Variants in CIDEC observed in about 807,000 individuals in gnomAD.
CIDEC encodes cell death inducing DFFA like effector c.
In CIDEC, 11 loss-of-function variants were observed where a neutral mutation model predicts 21.9. The observed-to-expected ratio is 0.50, with a 90% CI of 0.32 to 0.83. The LOEUF (loss-of-function observed/expected upper bound fraction) is 0.83. CIDEC is among the 40% of genes least tolerant of loss of function. The pLI is 0.04. For synonymous variants in CIDEC, 127 were observed against 124.9 expected, an observed-to-expected ratio of 1.02 and a Z score of -0.11; for missense variants, 302 against 302.3, an observed-to-expected ratio of 1.00 and a Z score of 0.01.
At chr3:9,868,929 C>T (rs552359426) in intron 6 of CIDEC, among the ~76,000 whole-genome samples, 3 of 151,954 alleles carry the variant, frequency 2.0e-5, no homozygotes, top group Admixed American at 6.5e-5. Context: ...AGCAATCCTC[C>T]CACCTAGCTG....
At chr3:9,871,912 G>A (rs1045797036) in intron 4 of CIDEC, among the ~76,000 whole-genome samples, 2 of 152,150 alleles carry the variant, frequency 1.3e-5, no homozygotes, top group South Asian at 2.1e-4. Flanking sequence ...TTATAGGCAT[G>A]AGCCACTGCA....
chr3:9,875,094 G>A (rs2082402605), intron 4 of CIDEC, among the ~76,000 whole-genome samples: 1 of 152,100 alleles, frequency 6.6e-6, no homozygotes, highest in Admixed American at 6.5e-5. Context: ...AAATGGATAG[G>A]GCCAGGTGTG....
intron 4 of CIDEC, among the ~76,000 whole-genome samples, chr3:9,875,521 TAA>T (rs1325000370): frequency 6.6e-6 from 1 of 152,060 alleles, no homozygotes; most frequent in African/African-American, 2.4e-5. Flanking sequence ...TGAAGGAAAC[TAA>T]AGAGACATAC....
rs138781787 is a variant in CIDEC at position 9,869,271 on chromosome 3, G to A, written c.554+611C>T. Among the ~76,000 whole-genome samples the A allele has an allele frequency of 1.1e-4, 16 of 149,402 alleles. No individual in the cohort carries two copies. The South Asian group carries it at 2.3e-3, about 22-fold the overall frequency. Reference sequence around the variant, plus strand: ...CGTGCTTTTTTTTGTTTTTTTTTCCGAGACAGTCTTGCTCTTTTGCCCAGG... The same window carrying A: ...CGTGCTTTTTTTTGTTTTTTTTTCCAAGACAGTCTTGCTCTTTTGCCCAGG... On this transcript the variant is annotated intron_variant, in intron 6 of 6. Transcript: ENST00000336832.
At chr3:9,867,703 G>A (rs1342362895) in intron 6 of CIDEC, among the ~76,000 whole-genome samples, 4 of 152,006 alleles carry the variant, frequency 2.6e-5, no homozygotes, top group Non-Finnish European at 4.4e-5. Flanking sequence ...CGAGGTGGGT[G>A]GATCATTTGA....
At chr3:9,878,320 G>T in intron 3 of CIDEC, 114 bp downstream of exon 3, 1 of 841,194 alleles carries the variant, frequency 1.2e-6, no homozygotes, top group Non-Finnish European at 2.1e-6. Flanking sequence ...TCCTGAATCA[G>T]AATCTGCACT....
rs1204761724 is a variant in CIDEC at position 9,877,106 on chromosome 3, T to C, written c.167A>G (p.Lys56Arg). 2 of 1,553,282 alleles carry C rather than the reference T, an allele frequency of 1.3e-6. No homozygotes were observed. Among genetic ancestry groups the C allele is most frequent in the African/African-American group, 1.4e-5 (1 of 73,318 alleles). The change falls in exon 4 of 7, where the codon AAG becomes AGG. Residue 56 changes from lysine to arginine, a missense_variant. Transcript: ENST00000336832. ...RVSTADRSVR[K>R]GIMAYSLEDL... ...CTCAAGACTGTAAGCCATGATGCCC[T>C]TCCTCACGCTTCGATCCGCCGTGCT... is the stretch of plus-strand genomic sequence containing the variant.
chr3:9,870,172 A>G lies in CIDEC; in HGVS notation c.358T>C (p.Ser120Pro). 1 of 1,613,998 alleles carries G rather than the reference A, an allele frequency of 6.2e-7. No individual in the cohort carries two copies. Among genetic ancestry groups the G allele is most frequent in the Non-Finnish European group, 8.5e-7 (1 of 1,180,006 alleles). ...AACAGGTGGGACCTCACCTGTTCTG[A>G]TGGGGGCTGCCATTTCTGCCCCTTC... ...LQKGQKWQPP[S>P]EQGTRHPLSL... The change falls in exon 5 of 7, where the codon TCA (serine) becomes CCA (proline). Residue 120 changes from serine (S) to proline (P), a missense_variant. Physicochemically the swap from Ser to Pro is moderately conservative, Grantham distance 74. Coordinates refer to ENST00000336832, the MANE Select transcript of CIDEC (RefSeq NM_001321142.2).
rs529181702 is a variant in CIDEC at position 9,875,203 on chromosome 3, G to A, written c.207+1863C>T. Among the ~76,000 whole-genome samples, 20 of 151,926 alleles carry A rather than the reference G, an allele frequency of 1.3e-4. 1 individual carries two copies. The South Asian group carries it at 3.7e-3, about 28-fold the overall frequency. On this transcript the variant is annotated intron_variant, in intron 4 of 6. Transcript: ENST00000336832. ...ATCCTGGCTAACACGGTGAAACCCC[G>A]TCTCTACCAAAAATACAAAAAAAAT...
In CIDEC at chr3:9,867,219, T is replaced by G; in HGVS notation, c.632A>C (p.Gln211Pro). 1 of 1,614,122 alleles carries G rather than the reference T, an allele frequency of 6.2e-7. No homozygotes were observed. The highest frequency in any genetic ancestry group is 8.5e-7 in the Non-Finnish European group (1 of 1,179,984). ...VLLGTSCYLQ[Q>P]LLDATEEGQP... ...CCCTTCCTCCGTAGCATCGAGGAGCTGCTGCAGGTAACAGGAGGTGCCAAG... is the reference window on the plus strand; with the variant it reads ...CCCTTCCTCCGTAGCATCGAGGAGCGGCTGCAGGTAACAGGAGGTGCCAAG... The change falls in exon 7 of 7, where the codon CAG becomes CCG. Residue 211 changes from glutamine to proline, a missense_variant. By Grantham distance (76) the Gln-to-Pro change is moderately conservative. Transcript: ENST00000336832.
intron 4 of CIDEC, among the ~76,000 whole-genome samples, chr3:9,873,094 TTTTG>T (rs968498825): frequency 3.2e-4 from 49 of 152,312 alleles, no homozygotes; most frequent in African/African-American, 9.4e-4. Context: ...GGTTTTGTTT[TTTTG>T]TTTGTTTGTT....
chr3:9,878,757 C>G (rs373033506), intron 2 of CIDEC, 185 bp downstream of exon 2: 1 of 1,536,222 alleles, frequency 6.5e-7, no homozygotes, highest in Admixed American at 2.0e-5. Flanking sequence ...GCAGCTGCTG[C>G]TCCTGCCCCA....
At chr3:9,872,060 G>A (rs1022984259) in intron 4 of CIDEC, among the ~76,000 whole-genome samples, 16 of 151,976 alleles carry the variant, frequency 1.1e-4, no homozygotes, top group African/African-American at 3.4e-4. Flanking sequence ...CAGTCCTCCC[G>A]CCTCGGCCTC....
rs2082388246 is a variant in CIDEC, at chr3:9,874,192, T to C, written c.207+2874A>G. ...TTCATGTATGCTATTAAAATAGAAA[T>C]ACCTGTGTCCCTTTTGAAACAAATA... On this transcript the variant is annotated intron_variant, in intron 4 of 6. Coordinates refer to ENST00000336832, the MANE Select transcript of CIDEC (RefSeq NM_001321142.2). Among the ~76,000 whole-genome samples the C allele has an allele frequency of 2.0e-5, 3 of 151,830 alleles. No homozygotes were observed. The East Asian group carries it at 5.8e-4, about 29-fold the overall frequency.
intron 4 of CIDEC, among the ~76,000 whole-genome samples, chr3:9,875,376 C>CAAAAAA (rs34070196): frequency 4.3e-5 from 5 of 116,910 alleles, no homozygotes; most frequent in South Asian, 3.1e-4. Flanking sequence ...GACTCTGTCT[C>CAAAAAA]AAAAAAAAAA....
chr3:9,878,819 A>G, intron 2 of CIDEC, 123 bp downstream of exon 2: 1 of 1,536,076 alleles, frequency 6.5e-7, no homozygotes, highest in Non-Finnish European at 8.7e-7. Flanking sequence ...CACTGAGCAG[A>G]TAACCCAACT....
intron 4 of CIDEC, 103 bp downstream of exon 4, chr3:9,876,963 G>A (rs2082432094): frequency 1.1e-6 from 1 of 934,026 alleles, no homozygotes; most frequent in African/African-American, 1.6e-5. Flanking sequence ...TGTAGGCGCT[G>A]GTAGGTATCA....
chr3:9,867,702 T>C (rs2082292059), intron 6 of CIDEC, among the ~76,000 whole-genome samples: 1 of 150,864 alleles, frequency 6.6e-6, no homozygotes, highest in Non-Finnish European at 1.5e-5. Context: ...CCGAGGTGGG[T>C]GGATCATTTG....
At chr3:9,874,258 G>A (rs769308642) in intron 4 of CIDEC, among the ~76,000 whole-genome samples, 31 of 152,114 alleles carry the variant, frequency 2.0e-4, no homozygotes, top group Non-Finnish European at 4.4e-4. Flanking sequence ...GCTCATGCCT[G>A]TAATCCCAGC....
Sources: gnomAD v4.1 joint callset for allele counts (sites outside exome capture counted in the v4.1 genomes callset) on GRCh38, gnomAD v4.1.1 for gene constraint, MANE v1.5 for transcripts, NCBI Gene and HGNC (gene_info 2026-07-23, HGNC 2026-07-21) for gene names.